The following SPMIP8 variants were observed in gnomAD, a reference collection of about 807,000 sequenced individuals.
SPMIP8 encodes testicular tissue protein Li 196.
chr16:57,979,807 C>T, the SPMIP8 span, among the ~76,000 whole-genome samples: 2 of 152,328 alleles, frequency 1.3e-5, no homozygotes, highest in South Asian at 2.1e-4. Flanking sequence ...GTGGCTCACA[C>T]CCACAATCTC....
At chr16:57,979,140 G>A in the SPMIP8 span, among the ~76,000 whole-genome samples, 2 of 152,220 alleles carry the variant, frequency 1.3e-5, no homozygotes, top group African/African-American at 4.8e-5. Context: ...CTTGCGTGTG[G>A]AGGGATTTAG....
chr16:57,985,122 A>G, the SPMIP8 span: 7 of 1,277,622 alleles, frequency 5.5e-6, no homozygotes, highest in South Asian at 1.6e-5. Context: ...GCGGGGCTGG[A>G]TTGTGGGCGG....
chr16:57,979,802 T>C, the SPMIP8 span, among the ~76,000 whole-genome samples: 2 of 152,198 alleles, frequency 1.3e-5, no homozygotes, highest in African/African-American at 2.4e-5. Context: ...GTACGGTGGC[T>C]CACACCCACA....
chr16:57,980,984 G>A, the SPMIP8 span, among the ~76,000 whole-genome samples: 1 of 152,296 alleles, frequency 6.6e-6, no homozygotes, highest in Non-Finnish European at 1.5e-5. Context: ...CGAAGTGTTG[G>A]AATTACAGGC....
the SPMIP8 span, among the ~76,000 whole-genome samples, chr16:57,984,077 C>G: frequency 6.7e-6 from 1 of 150,198 alleles, no homozygotes; most frequent in Non-Finnish European, 1.5e-5. Flanking sequence ...CTAATTTTTG[C>G]ATTTTTAGTA....
the SPMIP8 span, chr16:57,987,637 A>G: frequency 5.3e-5 from 26 of 489,594 alleles, no homozygotes; most frequent in Non-Finnish European, 7.4e-5. Flanking sequence ...GGATGACAGT[A>G]TCTTACCCTT....
At chr16:57,983,047 A>T in the SPMIP8 span, among the ~76,000 whole-genome samples, 1 of 152,218 alleles carries the variant, frequency 6.6e-6, no homozygotes, top group Non-Finnish European at 1.5e-5. Flanking sequence ...AATTTTTTTT[A>T]AAGCAAATGG....
chr16:57,979,616 C>T, the SPMIP8 span, among the ~76,000 whole-genome samples: 72 of 152,328 alleles, frequency 4.7e-4, no homozygotes, highest in Non-Finnish European at 9.1e-4. Flanking sequence ...ACAATATGCA[C>T]AGCAACAAGG....
At chr16:57,979,103 G>C in the SPMIP8 span, among the ~76,000 whole-genome samples, 1 of 152,358 alleles carries the variant, frequency 6.6e-6, no homozygotes, top group Admixed American at 6.5e-5. Flanking sequence ...CACGGGCCTA[G>C]TGAATAACCC....
chr16:57,978,045 G>A, the SPMIP8 span: 3 of 1,612,258 alleles, frequency 1.9e-6, no homozygotes, highest in South Asian at 3.3e-5. Flanking sequence ...CAAAGGTTAG[G>A]ACACCAGTGT....
At chr16:57,984,708 A>G in the SPMIP8 span, 11 of 1,599,640 alleles carry the variant, frequency 6.9e-6, no homozygotes, top group Non-Finnish European at 9.4e-6. Context: ...CGCGCCAGGC[A>G]TCAACCGAGT....
At chr16:57,985,105 A>G in the SPMIP8 span, 455 of 1,048,010 alleles carry the variant, frequency 4.3e-4, no homozygotes, top group Non-Finnish European at 4.6e-4. Context: ...GTGGGGCTGG[A>G]TTGTGGGCGG....
chr16:57,983,595 AT>A, the SPMIP8 span, among the ~76,000 whole-genome samples: 1 of 151,738 alleles, frequency 6.6e-6, no homozygotes, highest in African/African-American at 2.4e-5. Context: ...TTTATCTTAG[AT>A]TTTTTTTAAG....
At chr16:57,981,164 T>C in the SPMIP8 span, among the ~76,000 whole-genome samples, 1 of 151,936 alleles carries the variant, frequency 6.6e-6, no homozygotes, top group Non-Finnish European at 1.5e-5. Context: ...GTGGATCGCC[T>C]GAGGTCAGGA....
the SPMIP8 span, chr16:57,985,434 C>G: frequency 6.2e-7 from 1 of 1,613,442 alleles, no homozygotes; most frequent in East Asian, 2.2e-5. Flanking sequence ...GGCAGGGCGT[C>G]CGTGCTCCCC....
the SPMIP8 span, chr16:57,984,875 T>C: frequency 6.6e-7 from 1 of 1,505,620 alleles, no homozygotes; most frequent in Admixed American, 2.3e-5. Flanking sequence ...GCAGGGAACG[T>C]GGACTGCGGA....
At chr16:57,987,139 AATG>A in the SPMIP8 span, 5 of 410,962 alleles carry the variant, frequency 1.2e-5, no homozygotes, top group Non-Finnish European at 2.1e-5. Context: ...AGGTTCACTA[AATG>A]ATTGAAAAAT....
the SPMIP8 span, chr16:57,987,325 G>A: frequency 7.1e-7 from 1 of 1,401,910 alleles, no homozygotes; most frequent in Non-Finnish European, 9.4e-7. Flanking sequence ...TCAGATCCTA[G>A]AGGGGAAAAG....
chr16:57,984,146 C>T, the SPMIP8 span, among the ~76,000 whole-genome samples: 1 of 152,106 alleles, frequency 6.6e-6, no homozygotes, highest in Non-Finnish European at 1.5e-5. Context: ...TTAAGTGATC[C>T]ACCCGCCTCG....
Sources: allele counts gnomAD v4.1 joint callset (sites outside exome capture counted in the v4.1 genomes callset), GRCh38; gene constraint gnomAD v4.1.1; transcripts MANE v1.5; gene names NCBI Gene and HGNC (gene_info 2026-07-23, HGNC 2026-07-21).